The following DEFB116 variants were observed in gnomAD, a reference collection of about 807,000 sequenced individuals.
The protein encoded by DEFB116 is beta-defensin 116.
DEFB116 carries 5 observed loss-of-function variants against 2.8 expected under a neutral mutation model. The observed-to-expected ratio is 1.80, with a 90% CI of 0.94 to 3.79. The LOEUF is 3.79. Ranked by LOEUF, DEFB116 falls within the 30% of genes most tolerant of loss-of-function variation. The pLI is 0.00. For missense variants in DEFB116, 170 were observed against 118.0 expected, an observed-to-expected ratio of 1.44 and a Z score of -2.04; for synonymous variants, 56 against 40.8, an observed-to-expected ratio of 1.37 and a Z score of -1.42.
intron 1 of DEFB116, among the ~76,000 whole-genome samples, chr20:31,305,999 G>C (rs1984984011): frequency 6.6e-6 from 1 of 152,008 alleles, no homozygotes; most frequent in African/African-American, 2.4e-5. Flanking sequence ...ACATTGCCCA[G>C]CTCATTTTTC....
chr20:31,307,212 C>G (rs1489967000), intron 1 of DEFB116, among the ~76,000 whole-genome samples: 1 of 152,048 alleles, frequency 6.6e-6, no homozygotes, highest in Non-Finnish European at 1.5e-5. Flanking sequence ...ATTTTAAGAA[C>G]ACTTAACATA....
rs751749956 is a variant in DEFB116 at position 31,303,373 on chromosome 20, C to A, written c.148G>T (p.Ala50Ser). Residue 50 changes from alanine (A) to serine (S), a missense_variant, in exon 2 of 2, where the codon GCC (alanine) becomes TCC (serine). By Grantham distance (99) the Ala-to-Ser change is moderately conservative. Coordinates refer to ENST00000400549, the MANE Select transcript of DEFB116 (RefSeq NM_001037731.1). Reference protein sequence around the residue: ...CELYQGMCRNACREYEIQYLT... With the variant: ...CELYQGMCRNSCREYEIQYLT... ...TATTGGATTTCATATTCTCTGCAGG[C>A]GTTTCTGCACATGCCTTGGTAAAGC... 2 of 1,613,558 alleles carry A rather than the reference C, an allele frequency of 1.2e-6. No individual in the cohort carries two copies. Among genetic ancestry groups the A allele is most frequent in the Non-Finnish European group, 1.7e-6 (2 of 1,179,596 alleles).
chr20:31,308,188 C>A (rs966922165), intron 1 of DEFB116, among the ~76,000 whole-genome samples: 9 of 152,092 alleles, frequency 5.9e-5, no homozygotes, highest in Non-Finnish European at 1.3e-4. Context: ...AACTGCTATA[C>A]CCCTCCTATA....
chr20:31,306,634 G>A (rs1984995563), intron 1 of DEFB116, among the ~76,000 whole-genome samples: 1 of 151,974 alleles, frequency 6.6e-6, no homozygotes, highest in Non-Finnish European at 1.5e-5. Context: ...TGAGAAATAA[G>A]GAGGCATGAG....
intron 1 of DEFB116, among the ~76,000 whole-genome samples, chr20:31,304,030 C>T (rs1291511010): frequency 1.3e-5 from 2 of 152,150 alleles, no homozygotes; most frequent in Admixed American, 6.6e-5. Context: ...GAAACAGGTA[C>T]TGTGCATACA....
chr20:31,305,478 A>C (rs1984972710), intron 1 of DEFB116, among the ~76,000 whole-genome samples: 1 of 152,214 alleles, frequency 6.6e-6, no homozygotes. Flanking sequence ...GATTTAAATA[A>C]ATTTTTTAAA....
intron 1 of DEFB116, among the ~76,000 whole-genome samples, chr20:31,305,630 G>C (rs1984975719): frequency 6.6e-6 from 1 of 151,800 alleles, no homozygotes; most frequent in African/African-American, 2.4e-5. Context: ...TCTTCCGATT[G>C]AAGTCAGAGG....
intron 1 of DEFB116, among the ~76,000 whole-genome samples, chr20:31,304,376 T>A (rs115280281): frequency 1.6e-4 from 25 of 152,244 alleles, no homozygotes; most frequent in African/African-American, 5.8e-4. Flanking sequence ...CACTACCATG[T>A]ACTGTGGTAT....
At chr20:31,307,872 C>T (rs934556303) in intron 1 of DEFB116, among the ~76,000 whole-genome samples, 2 of 151,850 alleles carry the variant, frequency 1.3e-5, no homozygotes, top group Non-Finnish European at 1.5e-5. Context: ...TAATAACCAC[C>T]AAAAGCCCAA....
At position 31,308,476 on chromosome 20, in the gene DEFB116, C is replaced by T. The variant is rs1383563958; in HGVS notation, c.67+43G>A. Reference sequence around the variant, plus strand: ...TGCAGAGGTCACCAAGATACCAGTACCACATGCAAGACGCCAGAACCTTTG... The same window carrying T: ...TGCAGAGGTCACCAAGATACCAGTATCACATGCAAGACGCCAGAACCTTTG... On this transcript the variant is annotated intron_variant, in intron 1 of 1. Coordinates refer to ENST00000400549, the MANE Select transcript of DEFB116 (RefSeq NM_001037731.1). The T allele has an allele frequency of 4.4e-6, 7 of 1,601,858 alleles. No individual in the cohort carries two copies. In the South Asian group the frequency reaches 6.6e-5, roughly 15 times the overall value.
intron 1 of DEFB116, among the ~76,000 whole-genome samples, chr20:31,305,710 G>C (rs1285440106): frequency 1.3e-5 from 2 of 151,908 alleles, no homozygotes; most frequent in East Asian, 3.9e-4. Context: ...TCTGGACCCA[G>C]TCTCTCCATG....
At chr20:31,306,802 A>T (rs1385854613) in intron 1 of DEFB116, among the ~76,000 whole-genome samples, 2 of 152,112 alleles carry the variant, frequency 1.3e-5, no homozygotes, top group Admixed American at 6.6e-5. Context: ...GTGGGCTGAG[A>T]CTGCTCCCAT....
At chr20:31,305,724 G>A (rs1207678666) in intron 1 of DEFB116, among the ~76,000 whole-genome samples, 1 of 152,066 alleles carries the variant, frequency 6.6e-6, no homozygotes, top group African/African-American at 2.4e-5. Context: ...CTCCATGTCA[G>A]AAAATGGGAA....
chr20:31,304,013 C>T (rs186142199), intron 1 of DEFB116, among the ~76,000 whole-genome samples: 1 of 152,078 alleles, frequency 6.6e-6, no homozygotes, highest in African/African-American at 2.4e-5. Flanking sequence ...TGTACATTGG[C>T]CTTACAGAAA....
chr20:31,306,929 T>C (rs931990866), intron 1 of DEFB116, among the ~76,000 whole-genome samples: 1 of 152,084 alleles, frequency 6.6e-6, no homozygotes, highest in Admixed American at 6.6e-5. Flanking sequence ...CCCTTGAAAA[T>C]CACACTTAAG....
At chr20:31,305,489 T>A (rs1004774689) in intron 1 of DEFB116, among the ~76,000 whole-genome samples, 1 of 152,102 alleles carries the variant, frequency 6.6e-6, no homozygotes, top group African/African-American at 2.4e-5. Flanking sequence ...ATTTTTTAAA[T>A]AAAAATAAAG....
intron 1 of DEFB116, among the ~76,000 whole-genome samples, chr20:31,304,023 A>G (rs577055914): frequency 3.3e-5 from 5 of 152,264 alleles, no homozygotes; most frequent in Admixed American, 6.5e-5. Context: ...CCTTACAGAA[A>G]CAGGTACTGT....
At chr20:31,307,730 G>A (rs926475285) in intron 1 of DEFB116, among the ~76,000 whole-genome samples, 1 of 151,984 alleles carries the variant, frequency 6.6e-6, no homozygotes. Flanking sequence ...GAATTCAACT[G>A]TCTTACTCAA....
intron 1 of DEFB116, among the ~76,000 whole-genome samples, chr20:31,308,126 C>T (rs1047108309): frequency 2.6e-5 from 4 of 151,926 alleles, no homozygotes; most frequent in Admixed American, 1.3e-4. Context: ...TGGATATTAC[C>T]CTATCTCTAA....
Sources: gnomAD v4.1 joint callset for allele counts (sites outside exome capture counted in the v4.1 genomes callset) on GRCh38, gnomAD v4.1.1 for gene constraint, MANE v1.5 for transcripts, NCBI Gene and HGNC (gene_info 2026-07-23, HGNC 2026-07-21) for gene names.